Variants in PRKD1 observed in about 807,000 individuals in gnomAD.
PRKD1 encodes the protein serine/threonine-protein kinase D1.
In PRKD1, 63 loss-of-function variants were observed where a neutral mutation model predicts 95.9. The observed-to-expected ratio is 0.66, with a 90% CI of 0.54 to 0.81. The LOEUF is 0.81. PRKD1 is among the 30% of genes least tolerant of loss of function. The probability of loss-of-function intolerance (pLI) is 0.00; values close to 1 mark genes in which losing one functional copy is unlikely to be tolerated. For missense variants in PRKD1, 1,048 were observed against 1,165.3 expected (o/e 0.90, Z 1.47); for synonymous variants, 425 against 423.1 (o/e 1.00, Z -0.05).
chr14:29,672,755 G>T (rs530463568), intron 2 of PRKD1, among the ~76,000 whole-genome samples: 19 of 152,134 alleles, frequency 1.2e-4, no homozygotes, highest in African/African-American at 4.6e-4. Context: ...ATAACTCCAG[G>T]TATATAGAAC....
At chr14:29,674,635 C>T (rs892758474) in intron 2 of PRKD1, among the ~76,000 whole-genome samples, 1 of 152,124 alleles carries the variant, frequency 6.6e-6, no homozygotes, top group African/African-American at 2.4e-5. Context: ...AAAGAAAGGT[C>T]AAATCTATTT....
chr14:29,886,118 C>T (rs1893697927), intron 1 of PRKD1, among the ~76,000 whole-genome samples: 1 of 152,170 alleles, frequency 6.6e-6, no homozygotes, highest in Non-Finnish European at 1.5e-5. Flanking sequence ...AACTTTAGAA[C>T]AGGCATTAAA....
intron 16 of PRKD1, among the ~76,000 whole-genome samples, chr14:29,590,825 C>T (rs1277373688): frequency 1.3e-5 from 2 of 152,150 alleles, no homozygotes; most frequent in Admixed American, 1.3e-4. Context: ...GAGTCTGGCT[C>T]TGTCGCCCAG....
At chr14:29,697,610 C>T (rs949625125) in intron 2 of PRKD1, among the ~76,000 whole-genome samples, 2 of 152,046 alleles carry the variant, frequency 1.3e-5, no homozygotes, top group Non-Finnish European at 2.9e-5. Flanking sequence ...TGCAAAATCA[C>T]TTTTTGGGAA....
intron 10 of PRKD1, chr14:29,630,433 C>T: frequency 3.8e-6 from 1 of 264,402 alleles, no homozygotes; most frequent in Non-Finnish European, 7.2e-6. Flanking sequence ...GCCACTGAGC[C>T]CGGCCAGATT....
At chr14:29,626,583 A>T (rs1364594907) in intron 11 of PRKD1, 27 bp from the exon 12 acceptor site, 1 of 1,504,608 alleles carries the variant, frequency 6.6e-7, no homozygotes, top group Non-Finnish European at 9.0e-7. Context: ...AATGAAAAAA[A>T]AACATGAAGC....
intron 1 of PRKD1, among the ~76,000 whole-genome samples, chr14:29,843,776 GA>G (rs1300034735): frequency 6.6e-6 from 1 of 152,122 alleles, no homozygotes; most frequent in African/African-American, 2.4e-5. Flanking sequence ...ATAAATAAAT[GA>G]GTTATAAAGT....
chr14:29,794,614 G>A (rs916845200), intron 1 of PRKD1, among the ~76,000 whole-genome samples: 1 of 151,868 alleles, frequency 6.6e-6, no homozygotes, highest in Non-Finnish European at 1.5e-5. Flanking sequence ...ATATTTGAAA[G>A]GCAAAGAGCT....
rs1888886244 is a variant in PRKD1, at chr14:29,778,601, C to A, written c.265-52927G>T. On this transcript the variant is annotated intron_variant, in intron 1 of 17. Transcript: ENST00000331968. ...AGACTAAACCAGGAAAAAGTTGAAT[C>A]CCTGAATAGACAAATAACAGGCTCT... Among the ~76,000 whole-genome samples the A allele has an allele frequency of 2.6e-5, 4 of 152,122 alleles. No individual in the cohort carries two copies. In the South Asian group the frequency reaches 8.3e-4, roughly 32 times the overall value.
intron 2 of PRKD1, among the ~76,000 whole-genome samples, chr14:29,693,617 T>C (rs1884354361): frequency 7.3e-6 from 1 of 136,782 alleles, no homozygotes; most frequent in South Asian, 2.3e-4. Flanking sequence ...AAGCACTTTA[T>C]GACCTCAGTC....
intron 2 of PRKD1, among the ~76,000 whole-genome samples, chr14:29,691,466 C>T (rs1323826387): frequency 6.6e-6 from 1 of 152,194 alleles, no homozygotes; most frequent in Non-Finnish European, 1.5e-5. Flanking sequence ...TTTTAAAATA[C>T]TCCCATGACA....
At position 29,638,980 on chromosome 14, in the gene PRKD1, C is replaced by T. The variant is rs7156821; in HGVS notation, c.697-76G>A. 7.5e-3 allele frequency: 8,241 copies of T among 1,101,824 alleles called. 277 individuals are homozygous for T. In the African/African-American group the frequency reaches 0.088, roughly 12 times the overall value. The allele number at this position is 1,101,824 out of a possible 1,614,324, so 68.3% of individuals were successfully genotyped here. A position where few individuals can be genotyped will look rare whatever the true frequency, so the allele number is the denominator to read the frequency against. ...TTATATATTTATATATTTTAAGATA[C>T]CGGTTTACTCTTGTATTTAGTACTT... On this transcript the variant is annotated intron_variant, in intron 4 of 17. Transcript: ENST00000331968.
At chr14:29,903,709 G>A (rs1259686796) in intron 1 of PRKD1, among the ~76,000 whole-genome samples, 1 of 152,088 alleles carries the variant, frequency 6.6e-6, no homozygotes, top group African/African-American at 2.4e-5. Flanking sequence ...ATAAAGGGGT[G>A]ACAACTGAGG....
chr14:29,705,099 T>G lies in PRKD1; in HGVS notation c.403+20437A>C, dbSNP rs544287173. 2.6e-5 allele frequency among the ~76,000 whole-genome samples: 4 copies of G among 152,232 alleles called. No homozygotes were observed. The South Asian group carries it at 6.2e-4, about 24-fold the overall frequency. ...CTGCAAGGTACTATAGCCAAATCCTTTGAATTACTCACGTCGATATGTTAT... is the reference window on the plus strand; with the variant it reads ...CTGCAAGGTACTATAGCCAAATCCTGTGAATTACTCACGTCGATATGTTAT... On this transcript the variant is annotated intron_variant, in intron 2 of 17. Transcript: ENST00000331968.
At chr14:29,734,336 A>G (rs1262122396) in intron 1 of PRKD1, among the ~76,000 whole-genome samples, 1 of 151,990 alleles carries the variant, frequency 6.6e-6, no homozygotes, top group Admixed American at 6.6e-5. Flanking sequence ...CACTGCGCCC[A>G]GCCTCCTGCT....
At chr14:29,843,186 T>G (rs10144164) in intron 1 of PRKD1, among the ~76,000 whole-genome samples, 32,796 of 151,934 alleles carry the variant, frequency 0.22, 4,895 homozygotes, top group African/African-American at 0.42. Flanking sequence ...AATAAGAAGA[T>G]GTTATGCCAC....
At chr14:29,743,600 CA>C (rs1466878177) in intron 1 of PRKD1, among the ~76,000 whole-genome samples, 1 of 152,190 alleles carries the variant, frequency 6.6e-6, no homozygotes, top group Non-Finnish European at 1.5e-5. Flanking sequence ...ATTCAGATTG[CA>C]GACAAAACAT....
intron 2 of PRKD1, among the ~76,000 whole-genome samples, chr14:29,673,224 G>A (rs1882967359): frequency 1.3e-5 from 2 of 152,156 alleles, no homozygotes; most frequent in South Asian, 4.1e-4. Context: ...ATAAAGGTAT[G>A]TTTACAAAAT....
rs980423990 is a variant in PRKD1, at chr14:29,636,349, G to A, written c.1131C>T (p.Asn377=). The stretch of plus-strand genomic sequence containing the variant: ...CTGGATCTTGCATCTCGCCACTGTC[G>A]TTCTGGCACTCTGCCATTGCCATCT... ...DAEMAMAECQ[N]DSGEMQDPDP... is the part of the protein sequence containing the mutation. Residue 377 remains asparagine, a synonymous_variant, in exon 7 of 18, where the codon AAC becomes AAT. Coordinates refer to ENST00000331968, the MANE Select transcript of PRKD1 (RefSeq NM_002742.3). 8 of 1,614,182 alleles carry A rather than the reference G, an allele frequency of 5.0e-6. No homozygotes were observed. The Admixed American group carries it at 5.0e-5, about 10-fold the overall frequency.
Sources: gnomAD v4.1 joint callset for allele counts (sites outside exome capture counted in the v4.1 genomes callset) on GRCh38, gnomAD v4.1.1 for gene constraint, MANE v1.5 for transcripts, NCBI Gene and HGNC (gene_info 2026-07-23, HGNC 2026-07-21) for gene names.